ZNF181: variants seen among roughly 807,000 people sequenced by gnomAD.
ZNF181 encodes the protein zinc finger protein 181.
Under a neutral mutation model 11.9 loss-of-function variants are expected in ZNF181, and 8 were observed. The observed-to-expected ratio is 0.67, with a 90% CI of 0.39 to 1.21. ZNF181 has a LOEUF of 1.21. ZNF181 is among the 50% of genes most tolerant of loss of function. The probability of loss-of-function intolerance (pLI) is 0.01; values close to 1 mark genes in which losing one functional copy is unlikely to be tolerated. For synonymous variants in ZNF181, 202 were observed against 221.1 expected (o/e 0.91, Z 0.77); for missense variants, 542 against 670.9 (o/e 0.81, Z 2.12).
chr19:34,741,034 C>G lies in ZNF181; in HGVS notation c.653C>G (p.Ala218Gly), dbSNP rs368787292. ...TTGAATTCTAATAAAAGTGGGGCAG[C>G]CTTCAGCCAGGGCAAATCTCTTACC... ...KLLNSNKSGA[A>G]FSQGKSLTLP... The change falls in exon 4 of 4, where the codon GCC becomes GGC. Residue 218 changes from alanine to glycine, a missense_variant. Physicochemically the swap from Ala to Gly is moderately conservative, Grantham distance 60. Transcript: ENST00000492450. The G allele has an allele frequency of 1.9e-6, 3 of 1,613,990 alleles. No individual in the cohort carries two copies. Among genetic ancestry groups the G allele is most frequent in the Non-Finnish European group, 2.5e-6 (3 of 1,179,966 alleles).
In ZNF181 at chr19:34,740,817, A is replaced by G. The variant is rs1169545341; in HGVS notation, c.436A>G (p.Arg146Gly). The G allele has an allele frequency of 5.0e-6, 8 of 1,613,896 alleles. No homozygotes were observed. In the South Asian group the frequency reaches 7.7e-5, roughly 16 times the overall value. ...TTTCAGACCAGCAATTCTCACCTCTAGAGAAAGCCCCACTGCAGACAGTGT... is the reference window on the plus strand; with the variant it reads ...TTTCAGACCAGCAATTCTCACCTCTGGAGAAAGCCCCACTGCAGACAGTGT... The part of the protein sequence containing the change: ...DHFRPAILTS[R>G]ESPTADSVYK... Residue 146 changes from arginine (R) to glycine (G), a missense_variant, in exon 4 of 4, where the codon AGA (arginine) becomes GGA (glycine). Arg to Gly is a moderately radical substitution (Grantham distance 125). Coordinates refer to ENST00000492450, the MANE Select transcript of ZNF181 (RefSeq NM_001029997.4).
chr19:34,741,059 C>T lies in ZNF181; in HGVS notation c.678C>T (p.Thr226=), dbSNP rs542764337. 1 of 1,614,096 alleles carries T rather than the reference C, an allele frequency of 6.2e-7. No homozygotes were observed. Among genetic ancestry groups the T allele is most frequent in the African/African-American group, 1.3e-5 (1 of 75,048 alleles). Residue 226 remains threonine (T), a synonymous_variant, in exon 4 of 4, where the codon ACC becomes ACT. Coordinates refer to ENST00000492450, the MANE Select transcript of ZNF181 (RefSeq NM_001029997.4). The stretch of plus-strand genomic sequence containing the variant: ...CCTTCAGCCAGGGCAAATCTCTTAC[C>T]CTTCCCCAGACTTGTAATAGAGAGA... The part of the protein sequence containing the change: ...GAAFSQGKSL[T]LPQTCNREKI...
chr19:34,735,923 C>A (rs541958017), intron 1 of ZNF181, among the ~76,000 whole-genome samples: 4 of 152,230 alleles, frequency 2.6e-5, no homozygotes, highest in African/African-American at 9.6e-5. Flanking sequence ...CACCTTCCCT[C>A]GCCTAGCACT....
chr19:34,736,292 A>G, intron 1 of ZNF181: 1 of 646,686 alleles, frequency 1.5e-6, no homozygotes, highest in African/African-American at 1.8e-5. Context: ...GTGGTGGTAC[A>G]TGCCTGTTTT....
chr19:34,734,757 G>T lies in ZNF181; in HGVS notation c.-281G>T, dbSNP rs1171016416. 8.2e-6 allele frequency: 4 copies of T among 490,732 alleles called. No homozygotes were observed. The highest frequency in any genetic ancestry group is 1.4e-5 in the Non-Finnish European group (4 of 278,762). The allele number at this position is 490,732 out of a possible 1,614,324, so 30.4% of individuals were successfully genotyped here. ...GATAAAGTTTTTACCATTGTTTTAT[G>T]AGGATTTTATTTACAGAGTAATTGA... On this transcript the variant is annotated 5_prime_UTR_variant, in exon 1 of 4. An upstream start codon of the reference 5' UTR is lost. Coordinates refer to ENST00000492450, the MANE Select transcript of ZNF181 (RefSeq NM_001029997.4).
chr19:34,739,324 A>C lies in ZNF181; in HGVS notation c.130+56A>C, dbSNP rs1388133816. ...GGGACACCTTTCTTTTGCCACCCTG[A>C]ATTGCTGGAGACCCTCCTAAGTAAA... is the stretch of plus-strand genomic sequence containing the variant. On this transcript the variant is annotated intron_variant, in intron 2 of 3. Coordinates refer to ENST00000492450, the MANE Select transcript of ZNF181 (RefSeq NM_001029997.4). 2.5e-6 allele frequency: 4 copies of C among 1,606,236 alleles called. No individual in the cohort carries two copies. The Admixed American group carries it at 6.8e-5, about 27-fold the overall frequency.
intron 1 of ZNF181, among the ~76,000 whole-genome samples, chr19:34,736,637 A>G (rs761716509): frequency 6.6e-6 from 1 of 152,196 alleles, no homozygotes; most frequent in Non-Finnish European, 1.5e-5. Flanking sequence ...CTGTATGACT[A>G]TTGAGTACTT....
In ZNF181 at chr19:34,744,856, C is replaced by T. The variant is rs1419851050; in HGVS notation, c.*2759C>T. On this transcript the variant is annotated 3_prime_UTR_variant, in exon 4 of 4. Transcript: ENST00000492450. ...GTCCTATAATGCCCAGATTTTGTTTCCACTACACATAGTTTAATGCTACCA... is the reference window on the plus strand; with the variant it reads ...GTCCTATAATGCCCAGATTTTGTTTTCACTACACATAGTTTAATGCTACCA... 3 of 152,036 alleles carry T rather than the reference C, an allele frequency of 2.0e-5. No individual in the cohort carries two copies. The highest frequency in any genetic ancestry group is 7.2e-5 in the African/African-American group (3 of 41,384). The allele number at this position is 152,036 out of a possible 1,614,324, so 9.4% of individuals were successfully genotyped here.
chr19:34,742,510 A>G lies in ZNF181; in HGVS notation c.*413A>G, dbSNP rs2068995959. On this transcript the variant is annotated 3_prime_UTR_variant, in exon 4 of 4. Coordinates refer to ENST00000492450, the MANE Select transcript of ZNF181 (RefSeq NM_001029997.4). ...CTCAAAATGGAGAGAAATCTCATTT[A>G]AGAGATGTAGCAAAGTGTTCACTAA... 6.4e-6 allele frequency: 1 copy of G among 155,966 alleles called. No homozygotes were observed. Among genetic ancestry groups the G allele is most frequent in the Non-Finnish European group, 1.4e-5 (1 of 70,422 alleles). The allele number at this position is 155,966 out of a possible 1,614,324, so 9.7% of individuals were successfully genotyped here. A position where few individuals can be genotyped will look rare whatever the true frequency, so the allele number is the denominator to read the frequency against.
In ZNF181 at chr19:34,740,812, C is replaced by A; in HGVS notation, c.431C>A (p.Thr144Asn). 1 of 1,614,038 alleles carries A rather than the reference C, an allele frequency of 6.2e-7. No homozygotes were observed. The highest frequency in any genetic ancestry group is 1.1e-5 in the South Asian group (1 of 91,076). The change falls in exon 4 of 4, where the codon ACC (threonine) becomes AAC (asparagine). Residue 144 changes from threonine (T) to asparagine (N), a missense_variant. Transcript: ENST00000492450. Reference protein sequence around the residue: ...QVDHFRPAILTSRESPTADSV... With the variant: ...QVDHFRPAILNSRESPTADSV... ...GACCATTTCAGACCAGCAATTCTCACCTCTAGAGAAAGCCCCACTGCAGAC... is the reference window on the plus strand; with the variant it reads ...GACCATTTCAGACCAGCAATTCTCAACTCTAGAGAAAGCCCCACTGCAGAC...
chr19:34,734,278 C>A lies in ZNF181; in HGVS notation c.-760C>A, dbSNP rs1268534379. 2 of 152,270 alleles carry A rather than the reference C, an allele frequency of 1.3e-5. No individual in the cohort carries two copies. Among genetic ancestry groups the A allele is most frequent in the Admixed American group, 1.3e-4 (2 of 15,290 alleles). The allele number at this position is 152,270 out of a possible 1,614,324, so 9.4% of individuals were successfully genotyped here. On this transcript the variant is annotated 5_prime_UTR_variant, in exon 1 of 4. Coordinates refer to ENST00000492450, the MANE Select transcript of ZNF181 (RefSeq NM_001029997.4). ...CAGGCCTGACGGCGACTCCCAGGCT[C>A]CGGGACGATTCTGGGCAGTGTCGTC...
chr19:34,739,345 G>A, intron 2 of ZNF181, 77 bp downstream of exon 2: 2 of 1,592,714 alleles, frequency 1.3e-6, no homozygotes, highest in Non-Finnish European at 1.7e-6. Context: ...ACCCTCCTAA[G>A]TAAATGGCTG....
chr19:34,737,227 G>T (rs982704731), intron 1 of ZNF181, among the ~76,000 whole-genome samples: 1 of 152,162 alleles, frequency 6.6e-6, no homozygotes, highest in African/African-American at 2.4e-5. Context: ...TTGTGGAGAG[G>T]ATTTTCTGCC....
rs765316204 is a variant in ZNF181 at position 34,739,174 on chromosome 19, C to A, written c.36C>A (p.Asp12Glu). The change falls in exon 2 of 4, where the codon GAC becomes GAA. Residue 12 changes from aspartate (D) to glutamate (E), a missense_variant. Coordinates refer to ENST00000492450, the MANE Select transcript of ZNF181 (RefSeq NM_001029997.4). ...TGACATTTAATGATGTGGCTATAGA[C>A]TTCACTCATGAAGAGTGGGGATGGC... is the stretch of plus-strand genomic sequence containing the variant. ...PQVTFNDVAI[D>E]FTHEEWGWLS... The A allele has an allele frequency of 2.4e-5, 39 of 1,613,648 alleles. No homozygotes were observed. The highest frequency in any genetic ancestry group is 3.3e-5 in the Non-Finnish European group (39 of 1,179,708).
At chr19:34,737,478 T>C (rs2068904619) in intron 1 of ZNF181, among the ~76,000 whole-genome samples, 1 of 152,250 alleles carries the variant, frequency 6.6e-6, no homozygotes, top group African/African-American at 2.4e-5. Flanking sequence ...TATTATAATT[T>C]GACTAGCCAA....
chr19:34,739,295 G>A (rs1389457755), intron 2 of ZNF181, 27 bp downstream of exon 2: 20 of 1,610,908 alleles, frequency 1.2e-5, no homozygotes, highest in Non-Finnish European at 1.5e-5. Context: ...TTCCACTCCA[G>A]TAGGGGACAC....
intron 1 of ZNF181, among the ~76,000 whole-genome samples, chr19:34,737,424 A>C (rs896083692): frequency 6.6e-5 from 10 of 152,246 alleles, no homozygotes; most frequent in African/African-American, 2.4e-4. Context: ...TCACAAATCA[A>C]AGACAGTAAT....
chr19:34,739,406 C>G (rs757817409), intron 2 of ZNF181, 117 bp from the exon 3 acceptor site: 2 of 1,565,106 alleles, frequency 1.3e-6, no homozygotes, highest in Non-Finnish European at 1.7e-6. Flanking sequence ...TGTGCCCTGC[C>G]TGAAGCTTAT....
Position 34,741,507 on chromosome 19 carries a change from C to T in ZNF181, c.1126C>T (p.Pro376Ser). The T allele has an allele frequency of 1.2e-6, 2 of 1,613,742 alleles. No individual in the cohort carries two copies. Among genetic ancestry groups the T allele is most frequent in the Non-Finnish European group, 8.5e-7 (1 of 1,179,862 alleles). Residue 376 changes from proline (P) to serine (S), a missense_variant, in exon 4 of 4, where the codon CCT becomes TCT. Physicochemically the swap from Pro to Ser is moderately conservative, Grantham distance 74. Transcript: ENST00000492450. Reference sequence around the variant, plus strand: ...TCAGAAAATCCATACTGGAGAGAAGCCTTATGAATGTAGAGAATGTGGGAA... The same window carrying T: ...TCAGAAAATCCATACTGGAGAGAAGTCTTATGAATGTAGAGAATGTGGGAA... ...HHQKIHTGEK[P>S]YECRECGKAF...
Sources: gnomAD v4.1 joint callset for allele counts (sites outside exome capture counted in the v4.1 genomes callset) on GRCh38, gnomAD v4.1.1 for gene constraint, MANE v1.5 for transcripts, NCBI Gene and HGNC (gene_info 2026-07-23, HGNC 2026-07-21) for gene names.